The following OFD1 variants were observed in gnomAD, a reference collection of about 807,000 sequenced individuals.
The protein encoded by OFD1 is centriole and centriolar satellite protein OFD1.
Under a neutral mutation model 81.4 loss-of-function variants are expected in OFD1, and 12 were observed. The ratio of observed to expected loss-of-function variants is 0.15; its 90% CI spans 0.09 to 0.24. OFD1 has a LOEUF of 0.24. OFD1 is among the 10% of genes least tolerant of loss of function. The pLI, the probability that OFD1 is intolerant of heterozygous loss-of-function variation, is 1.00. For missense variants in OFD1, 685 were observed against 733.9 expected, an observed-to-expected ratio of 0.93 and a Z score of 0.77; for synonymous variants, 256 against 263.7, an observed-to-expected ratio of 0.97 and a Z score of 0.28.
chrX:13,753,271 C>T (rs1304788648), intron 10 of OFD1, 97 bp from the exon 11 acceptor site: 2 of 1,188,758 alleles, frequency 1.7e-6, no homozygotes, highest in African/African-American at 3.5e-5. Flanking sequence ...GTTTAGCACC[C>T]TCAGGTGCTC....
At chrX:13,724,548 T>G in the OFD1 span, among the ~76,000 whole-genome samples, 1 of 111,721 alleles carries the variant, frequency 9.0e-6, no homozygotes, top group Non-Finnish European at 1.9e-5. Flanking sequence ...AAATGACTTT[T>G]CAAATAGCAA....
the OFD1 span, chrX:13,715,669 A>G: frequency 3.2e-6 from 1 of 312,005 alleles, no homozygotes; most frequent in Non-Finnish European, 4.4e-6. Context: ...ATTTTAGATT[A>G]AATTATGAAG....
At chrX:13,718,701 T>G in the OFD1 span, among the ~76,000 whole-genome samples, 23 of 112,514 alleles carry the variant, frequency 2.0e-4, no homozygotes, top group Non-Finnish European at 3.4e-4. Flanking sequence ...GCCTGAATAG[T>G]TGAAAAATAC....
chrX:13,747,991 A>G (rs1428449128), intron 8 of OFD1, among the ~76,000 whole-genome samples: 2 of 111,719 alleles, frequency 1.8e-5, no homozygotes, highest in Non-Finnish European at 3.8e-5. Context: ...CACTATTTCC[A>G]ACATACATCC....
At chrX:13,741,320 A>G (rs1394190815) in intron 5 of OFD1, among the ~76,000 whole-genome samples, 2 of 111,743 alleles carry the variant, frequency 1.8e-5, no homozygotes, top group Admixed American at 9.5e-5. Flanking sequence ...ACTCTTAGCT[A>G]ACAAAATAGC....
chrX:13,746,576 TGTG>T, intron 7 of OFD1, 121 bp downstream of exon 7: 1 of 906,351 alleles, frequency 1.1e-6, no homozygotes, highest in South Asian at 2.3e-5. Context: ...ACTGTACTGT[TGTG>T]CAAATTTTTT....
At chrX:13,728,615 C>G in the OFD1 span, among the ~76,000 whole-genome samples, 1 of 111,766 alleles carries the variant, frequency 8.9e-6, no homozygotes, top group Non-Finnish European at 1.9e-5. Context: ...ATAATAAGAG[C>G]TATTTATGAC....
At chrX:13,744,809 C>T (rs752729004) in intron 6 of OFD1, among the ~76,000 whole-genome samples, 11 of 112,462 alleles carry the variant, frequency 9.8e-5, no homozygotes, top group Non-Finnish European at 2.1e-4. Flanking sequence ...GGAGGTTCTT[C>T]CTCGTGTCTT....
At chrX:13,722,624 A>C in the OFD1 span, among the ~76,000 whole-genome samples, 3 of 112,006 alleles carry the variant, frequency 2.7e-5, no homozygotes, top group African/African-American at 9.8e-5. Context: ...GAACAGCTGC[A>C]AACACTTAGC....
chrX:13,757,870 T>C, intron 14 of OFD1, 80 bp downstream of exon 14: 1 of 1,059,369 alleles, frequency 9.4e-7, no homozygotes. Context: ...GTCACACTAG[T>C]GTAAATCAGA....
the OFD1 span, chrX:13,722,208 C>CA: frequency 8.7e-3 from 315 of 36,071 alleles, 12 homozygotes; most frequent in Middle Eastern, 0.014. Flanking sequence ...TAAGCAGCAG[C>CA]AAAAAAAAAA....
the OFD1 span, among the ~76,000 whole-genome samples, chrX:13,728,030 C>G: frequency 8.9e-6 from 1 of 112,194 alleles, no homozygotes; most frequent in Admixed American, 9.4e-5. Context: ...GACACATACA[C>G]TCTCCCAAGG....
downstream of OFD1, among the ~76,000 whole-genome samples, chrX:13,770,781 C>G (rs1016988506): frequency 8.9e-6 from 1 of 112,180 alleles, no homozygotes; most frequent in African/African-American, 3.2e-5. Flanking sequence ...TTAATATTTT[C>G]TTTAATTGCT....
At chrX:13,733,662 G>A (rs2046732975), upstream of OFD1, among the ~76,000 whole-genome samples, 1 of 111,826 alleles carries the variant, frequency 8.9e-6, no homozygotes. Flanking sequence ...GTCCTCACAG[G>A]ACTTAGATAC....
At chrX:13,732,389 C>T (rs1321459411), upstream of OFD1, among the ~76,000 whole-genome samples, 1 of 112,035 alleles carries the variant, frequency 8.9e-6, no homozygotes, top group East Asian at 2.8e-4. Flanking sequence ...TCTTTAAATA[C>T]GATAAGCTAT....
chrX:13,757,417 C>T (rs2047750580), intron 13 of OFD1, among the ~76,000 whole-genome samples: 1 of 111,562 alleles, frequency 9.0e-6, no homozygotes, highest in African/African-American at 3.3e-5. Flanking sequence ...TGAAAGAGTT[C>T]TTTTACTTGG....
In OFD1 at chrX:13,760,490, A is replaced by T. The variant is rs370183911; in HGVS notation, c.2030A>T (p.Glu677Val). Residue 677 changes from glutamate to valine, a missense_variant, in exon 16 of 23, where the codon GAA (glutamate) becomes GTA (valine). Around this residue, in one of 3 missense-constraint regions of OFD1, gnomAD observed 259 missense variants for 254.4 expected, o/e 1.02. Transcript: ENST00000340096. ...AKSPPSLHLL[E>V]AFKNITSSSP... ...AGCCCACCATCTCTGCACTTGCTGG[A>T]AGCCTTCAAAAACATTACTTCCAGT... The T allele has an allele frequency of 4.3e-6, 5 of 1,166,428 alleles. No individual in the cohort carries two copies. In the African/African-American group the frequency reaches 9.0e-5, roughly 21 times the overall value.
chrX:13,762,589 A>T (rs2047977720), intron 18 of OFD1, 145 bp downstream of exon 18: 2 of 427,465 alleles, frequency 4.7e-6, no homozygotes, highest in South Asian at 8.4e-5. Context: ...GTACAGATGT[A>T]TCACCTCATT....
Position 13,751,276 on chromosome X carries a change from TA to T in OFD1, c.967del (p.Ser323AlafsTer2), listed in dbSNP as rs780268478. On this transcript the variant is annotated frameshift_variant, in exon 10 of 23. Transcript: ENST00000340096. LOFTEE classifies it high-confidence loss of function. ...ACCAGAAGCTCCAGGAAGAAAAACA[TA>T]AAAGCATAACTGAGGCACTTAGGAG... ...LNQKLQEEKH[K>X]SITEALRRQE... The T allele has an allele frequency of 5.0e-6, 6 of 1,205,990 alleles. No individual in the cohort carries two copies. The African/African-American group carries it at 1.1e-4, about 21-fold the overall frequency.
Sources: gnomAD v4.1 joint callset for allele counts (sites outside exome capture counted in the v4.1 genomes callset) on GRCh38, gnomAD v4.1.1 for gene constraint, gnomAD v4.1.1 regional missense constraint, MANE v1.5 for transcripts, NCBI Gene and HGNC (gene_info 2026-07-23, HGNC 2026-07-21) for gene names.